Variants in CYB5A observed in about 807,000 individuals in gnomAD.
The protein encoded by CYB5A is cytochrome b5 type A, also known as cytochrome b5.
CYB5A carries 10 observed loss-of-function variants against 16.2 expected under a neutral mutation model. The observed-to-expected ratio is 0.62, with a 90% CI of 0.38 to 1.04. The LOEUF (loss-of-function observed/expected upper bound fraction) is 1.04. Among genes scored for constraint, CYB5A ranks in the 50% least tolerant of loss-of-function variants. The pLI is 0.01. For synonymous variants in CYB5A, 62 were observed against 57.0 expected (o/e 1.09, Z -0.40); for missense variants, 161 against 165.9 (o/e 0.97, Z 0.16).
chr18:74,288,335 A>T (rs1354305615), intron 1 of CYB5A, among the ~76,000 whole-genome samples: 1 of 151,942 alleles, frequency 6.6e-6, no homozygotes, highest in African/African-American at 2.4e-5. Context: ...AGAAGGGGAA[A>T]TACTCAGCCA....
At chr18:74,285,765 C>A (rs1983293308) in intron 1 of CYB5A, among the ~76,000 whole-genome samples, 1 of 149,168 alleles carries the variant, frequency 6.7e-6, no homozygotes, top group Non-Finnish European at 1.5e-5. Context: ...AGAGGGAGGA[C>A]TGGTTGAGCC....
Position 74,252,428 on chromosome 18 carries a change from C to T in CYB5A, c.*1156G>A, listed in dbSNP as rs1000286712. On this transcript the variant is annotated 3_prime_UTR_variant, in exon 5 of 5. Coordinates refer to ENST00000340533, the MANE Select transcript of CYB5A (RefSeq NM_148923.4). Reference sequence around the variant, plus strand: ...GAACTCTTCAGAGCTTGACACTAGCCGCTAAATTTCTTCAAAGATCAGATT... The same window carrying T: ...GAACTCTTCAGAGCTTGACACTAGCTGCTAAATTTCTTCAAAGATCAGATT... 2 of 152,208 alleles carry T rather than the reference C, an allele frequency of 1.3e-5. No homozygotes were observed. The highest frequency in any genetic ancestry group is 4.8e-5 in the African/African-American group (2 of 41,452). 9.4% of individuals were successfully genotyped at this position (152,208 alleles called of 1,614,324 possible).
At chr18:74,278,010 G>T (rs2145071574) in intron 1 of CYB5A, among the ~76,000 whole-genome samples, 1 of 152,330 alleles carries the variant, frequency 6.6e-6, no homozygotes, top group Non-Finnish European at 1.5e-5. Flanking sequence ...AAAGTCTAGG[G>T]ACAAATAATG....
Position 74,275,170 on chromosome 18 carries a change from C to T in CYB5A, c.130-11693G>A, listed in dbSNP as rs943672233. ...CGCTGAACAAATCAGGTGAGGGGGA[C>T]GGGGGTGGAATTGTTCATTGCTCCA... On this transcript the variant is annotated intron_variant, in intron 1 of 4. Coordinates refer to ENST00000340533, the MANE Select transcript of CYB5A (RefSeq NM_148923.4). Among the ~76,000 whole-genome samples the T allele has an allele frequency of 3.9e-5, 6 of 152,100 alleles. No individual in the cohort carries two copies. The South Asian group carries it at 8.3e-4, about 21-fold the overall frequency.
chr18:74,281,957 G>A (rs999846073), intron 1 of CYB5A, among the ~76,000 whole-genome samples: 1 of 152,098 alleles, frequency 6.6e-6, no homozygotes, highest in African/African-American at 2.4e-5. Context: ...GAATGTCTGT[G>A]AGTGGGAAGG....
At chr18:74,284,232 CCA>C (rs376716164) in intron 1 of CYB5A, among the ~76,000 whole-genome samples, 16,429 of 99,444 alleles carry the variant, frequency 0.17, 968 homozygotes, top group East Asian at 0.27. Context: ...AACTCCATCT[CCA>C]AAAAAAAAAA....
intron 1 of CYB5A, among the ~76,000 whole-genome samples, chr18:74,273,551 C>T (rs184670739): frequency 1.3e-5 from 2 of 152,230 alleles, no homozygotes; most frequent in South Asian, 4.1e-4. Flanking sequence ...GAGTGACCTG[C>T]TGTGAAAAAT....
intron 1 of CYB5A, among the ~76,000 whole-genome samples, chr18:74,280,407 CA>C (rs149442312): frequency 0.015 from 1,293 of 83,864 alleles, 11 homozygotes; most frequent in African/African-American, 0.034. Flanking sequence ...CCTGTCTCTA[CA>C]AAAAAAAAAA....
intron 1 of CYB5A, among the ~76,000 whole-genome samples, chr18:74,265,431 G>T (rs543044479): frequency 6.6e-6 from 1 of 152,224 alleles, no homozygotes. Flanking sequence ...GAGGTGCCTA[G>T]TGGTTACCAC....
At chr18:74,262,079 C>T (rs972590378) in intron 2 of CYB5A, among the ~76,000 whole-genome samples, 1 of 152,178 alleles carries the variant, frequency 6.6e-6, no homozygotes, top group Non-Finnish European at 1.5e-5. Context: ...CTTAGGTTGA[C>T]AGACTAGTAA....
At chr18:74,291,291 TC>T (rs1983524625) in intron 1 of CYB5A, among the ~76,000 whole-genome samples, 1 of 152,178 alleles carries the variant, frequency 6.6e-6, no homozygotes, top group African/African-American at 2.4e-5. Flanking sequence ...CTGCGCGCTA[TC>T]CCCGGAAGGC....
Position 74,289,514 on chromosome 18 carries a change from G to A in CYB5A, c.129+2233C>T, listed in dbSNP as rs377698819. Among the ~76,000 whole-genome samples the A allele has an allele frequency of 4.6e-5, 7 of 152,086 alleles. No homozygotes were observed. In the East Asian group the frequency reaches 9.7e-4, roughly 21 times the overall value. ...GGTAGGGCTGGGAGCAGTGGCTCAC[G>A]CCTGTAATCCCAGCACTTTGGGAGG... On this transcript the variant is annotated intron_variant, in intron 1 of 4. Coordinates refer to ENST00000340533, the MANE Select transcript of CYB5A (RefSeq NM_148923.4).
intron 1 of CYB5A, among the ~76,000 whole-genome samples, chr18:74,276,123 C>A (rs1568221331): frequency 6.6e-6 from 1 of 152,142 alleles, no homozygotes; most frequent in African/African-American, 2.4e-5. Context: ...ACCTGGAGAT[C>A]TTGACTCCAA....
intron 3 of CYB5A, chr18:74,257,163 C>T: frequency 2.6e-6 from 1 of 379,538 alleles, no homozygotes; most frequent in Non-Finnish European, 4.8e-6. Context: ...ACACAAACAT[C>T]CACGGCGTCG....
At chr18:74,265,679 GCAC>G (rs1316950312) in intron 1 of CYB5A, among the ~76,000 whole-genome samples, 1 of 152,182 alleles carries the variant, frequency 6.6e-6, no homozygotes, top group Non-Finnish European at 1.5e-5. Flanking sequence ...TACAAGCACG[GCAC>G]CATCATCTGC....
At chr18:74,273,767 A>G (rs1478919798) in intron 1 of CYB5A, among the ~76,000 whole-genome samples, 1 of 152,172 alleles carries the variant, frequency 6.6e-6, no homozygotes. Context: ...CCAGCTCTAC[A>G]CTCACAGCTC....
At chr18:74,274,695 T>G (rs1427060796) in intron 1 of CYB5A, among the ~76,000 whole-genome samples, 2 of 152,214 alleles carry the variant, frequency 1.3e-5, no homozygotes, top group African/African-American at 4.8e-5. Flanking sequence ...ATACACTATA[T>G]TTTTGGAATT....
intron 1 of CYB5A, among the ~76,000 whole-genome samples, chr18:74,285,225 A>G (rs931803033): frequency 6.6e-6 from 1 of 152,174 alleles, no homozygotes; most frequent in African/African-American, 2.4e-5. Context: ...GCAAGTCCCT[A>G]CAACAAAACC....
chr18:74,281,228 C>T (rs532552351), intron 1 of CYB5A, among the ~76,000 whole-genome samples: 1 of 152,138 alleles, frequency 6.6e-6, no homozygotes, highest in African/African-American at 2.4e-5. Context: ...GCAGAGGGAG[C>T]AGGTGTGTTT....
Sources: allele counts gnomAD v4.1 joint callset (sites outside exome capture counted in the v4.1 genomes callset), GRCh38; gene constraint gnomAD v4.1.1; transcripts MANE v1.5; gene names NCBI Gene and HGNC (gene_info 2026-07-23, HGNC 2026-07-21).